Variants in ZNF385D observed in about 807,000 individuals in gnomAD.
ZNF385D encodes the protein zinc finger protein 659.
A neutral mutation model predicts 35.8 loss-of-function variants in ZNF385D; 15 were observed. That is an observed-to-expected ratio of 0.42 (90% CI 0.28 to 0.64). The LOEUF (loss-of-function observed/expected upper bound fraction) is 0.64, where lower values mean the gene tolerates loss of function less well. Ranked by LOEUF, ZNF385D falls within the 30% of genes least tolerant of loss-of-function variation. The probability of loss-of-function intolerance (pLI) is 0.23; values close to 1 mark genes in which losing one functional copy is unlikely to be tolerated. For missense variants in ZNF385D, 474 were observed against 494.6 expected (o/e 0.96, Z 0.39); for synonymous variants, 212 against 186.8 (o/e 1.13, Z -1.10).
At chr3:21,476,877 T>C (rs1037233717) in intron 4 of ZNF385D, among the ~76,000 whole-genome samples, 2 of 152,122 alleles carry the variant, frequency 1.3e-5, no homozygotes, top group African/African-American at 4.8e-5. Flanking sequence ...TACTCCTGCA[T>C]GCAGAGAGTC....
At chr3:21,691,807 G>C (rs1406540940) in intron 1 of ZNF385D, among the ~76,000 whole-genome samples, 1 of 152,144 alleles carries the variant, frequency 6.6e-6, no homozygotes. Flanking sequence ...CTGCCATGCA[G>C]CCATCACCAC....
At chr3:22,038,686 A>C (rs1425641033) in intron 3 of ZNF385D, among the ~76,000 whole-genome samples, 1 of 152,060 alleles carries the variant, frequency 6.6e-6, no homozygotes, top group Admixed American at 6.6e-5. Context: ...TGGATCTAAT[A>C]AACAAAAAGT....
chr3:22,164,402 T>A (rs747876825), intron 3 of ZNF385D, among the ~76,000 whole-genome samples: 13 of 151,844 alleles, frequency 8.6e-5, no homozygotes, highest in Non-Finnish European at 7.4e-5. Context: ...CTAATTTTTG[T>A]ATTTTTAGTA....
Position 22,206,329 on chromosome 3 carries a change from G to A in ZNF385D, c.107-37294C>T, listed in dbSNP as rs944090615. On this transcript the variant is annotated intron_variant, in intron 2 of 5. Transcript: ENST00000494108. ...AGAGATAGACCCTAATACAATAGCCGCTAGAGACTTCAACATCCCACTGTC... is the reference window on the plus strand; with the variant it reads ...AGAGATAGACCCTAATACAATAGCCACTAGAGACTTCAACATCCCACTGTC... Among the ~76,000 whole-genome samples, 9 of 151,954 alleles carry A rather than the reference G, an allele frequency of 5.9e-5. No homozygotes were observed. The South Asian group carries it at 1.2e-3, about 21-fold the overall frequency.
chr3:21,743,693 A>G (rs188886784), intron 1 of ZNF385D, among the ~76,000 whole-genome samples: 88 of 152,122 alleles, frequency 5.8e-4, no homozygotes, highest in Middle Eastern at 3.4e-3. Flanking sequence ...AAACTTAATT[A>G]CCTCCCACAG....
chr3:21,977,704 G>A lies in ZNF385D; in HGVS notation c.325+191113C>T, dbSNP rs956301184. Among the ~76,000 whole-genome samples, 4 of 151,858 alleles carry A rather than the reference G, an allele frequency of 2.6e-5. No homozygotes were observed. In the East Asian group the frequency reaches 7.8e-4, roughly 29 times the overall value. On this transcript the variant is annotated intron_variant, in intron 3 of 5. Transcript: ENST00000494108. ...TAATAACAAATTAGCTGGCATGGTGGGGCTGTCTATGGTCCCAGCTACTCG... is the reference window on the plus strand; with the variant it reads ...TAATAACAAATTAGCTGGCATGGTGAGGCTGTCTATGGTCCCAGCTACTCG...
intron 1 of ZNF385D, among the ~76,000 whole-genome samples, chr3:21,668,441 G>T (rs559000956): frequency 1.3e-5 from 2 of 152,052 alleles, no homozygotes; most frequent in Admixed American, 1.3e-4. Flanking sequence ...TATCCCTCAC[G>T]TCTCACAAAT....
At chr3:22,023,051 G>T (rs528671445) in intron 3 of ZNF385D, among the ~76,000 whole-genome samples, 1 of 152,218 alleles carries the variant, frequency 6.6e-6, no homozygotes, top group East Asian at 1.9e-4. Flanking sequence ...TGTATTCCAG[G>T]CTGCTCTTCG....
At chr3:21,781,729 T>A (rs1251702957) in intron 3 of ZNF385D, among the ~76,000 whole-genome samples, 2 of 151,910 alleles carry the variant, frequency 1.3e-5, no homozygotes, top group Non-Finnish European at 2.9e-5. Context: ...CTCAAGCTCA[T>A]AATATTAAAG....
At chr3:22,306,594 G>GACC (rs1703233699) in intron 2 of ZNF385D, among the ~76,000 whole-genome samples, 1 of 152,140 alleles carries the variant, frequency 6.6e-6, no homozygotes, top group Non-Finnish European at 1.5e-5. Context: ...TGCTAAGGCT[G>GACC]ACCAGGAAGA....
chr3:21,437,178 T>G lies in ZNF385D; in HGVS notation c.465A>C (p.Ile155=). ...KTDGTAGTPA[I]STTTTVEIRK... ...GGATTTCCACAGTTGTCGTCGTTGA[T>G]ATTGCTGGTGTCCCTGCAGTACCGT... is the stretch of plus-strand genomic sequence containing the variant. Residue 155 remains isoleucine, a synonymous_variant, in exon 5 of 8, where the codon ATA becomes ATC. Transcript: ENST00000281523. 1.2e-6 allele frequency: 2 copies of G among 1,613,820 alleles called. No individual in the cohort carries two copies. The highest frequency in any genetic ancestry group is 3.3e-4 in the Middle Eastern group (2 of 6,052).
intron 2 of ZNF385D, among the ~76,000 whole-genome samples, chr3:21,660,851 C>T (rs1259899882): frequency 6.6e-6 from 1 of 152,188 alleles, no homozygotes; most frequent in Non-Finnish European, 1.5e-5. Flanking sequence ...CCTTTGTCCA[C>T]AGTTACAGAG....
At chr3:21,904,071 G>A (rs1699548394) in intron 3 of ZNF385D, among the ~76,000 whole-genome samples, 1 of 152,004 alleles carries the variant, frequency 6.6e-6, no homozygotes, top group Admixed American at 6.6e-5. Context: ...TTGGGAGGCA[G>A]AGGCAGGCAG....
chr3:22,070,984 G>A (rs567543855), intron 3 of ZNF385D, among the ~76,000 whole-genome samples: 4 of 152,144 alleles, frequency 2.6e-5, no homozygotes, highest in South Asian at 2.1e-4. Flanking sequence ...TCTCCAGTCT[G>A]CCAAAATTGA....
intron 1 of ZNF385D, among the ~76,000 whole-genome samples, chr3:21,734,295 T>TTC (rs2069145118): frequency 6.6e-6 from 1 of 151,436 alleles, no homozygotes; most frequent in South Asian, 2.1e-4. Context: ...GTTTTTTTTT[T>TTC]CAGATATGTT....
At chr3:21,837,149 G>C (rs998283229) in intron 3 of ZNF385D, among the ~76,000 whole-genome samples, 1 of 152,060 alleles carries the variant, frequency 6.6e-6, no homozygotes, top group African/African-American at 2.4e-5. Flanking sequence ...ATATGTCATT[G>C]CCAAATTTCT....
intron 3 of ZNF385D, among the ~76,000 whole-genome samples, chr3:21,549,305 G>A (rs188438811): frequency 6.6e-6 from 1 of 152,304 alleles, no homozygotes; most frequent in East Asian, 1.9e-4. Context: ...TTAAAAGCCT[G>A]CCAAAGAAGC....
chr3:22,045,172 T>A (rs749751676), intron 3 of ZNF385D, among the ~76,000 whole-genome samples: 12 of 151,960 alleles, frequency 7.9e-5, no homozygotes, highest in Non-Finnish European at 5.9e-5. Flanking sequence ...AAAAAAAAAA[T>A]AATTGCCCAA....
At chr3:22,076,737 T>G (rs1700483952) in intron 3 of ZNF385D, among the ~76,000 whole-genome samples, 1 of 152,000 alleles carries the variant, frequency 6.6e-6, no homozygotes, top group South Asian at 2.1e-4. Context: ...GTTAGGATTG[T>G]GCACCAATTA....
Sources: allele counts gnomAD v4.1 joint callset (sites outside exome capture counted in the v4.1 genomes callset), GRCh38; gene constraint gnomAD v4.1.1; transcripts MANE v1.5; gene names NCBI Gene and HGNC (gene_info 2026-07-23, HGNC 2026-07-21).